Variants in FAM135B observed in about 807,000 individuals in gnomAD.
FAM135B encodes protein FAM135B.
Under a neutral mutation model 127.7 loss-of-function variants are expected in FAM135B, and 43 were observed. The observed-to-expected ratio is 0.34, with a 90% confidence interval of 0.26 to 0.43. FAM135B has a LOEUF of 0.43. FAM135B is among the 20% of genes least tolerant of loss of function. The pLI, the probability that FAM135B is intolerant of heterozygous loss-of-function variation, is 1.00. For synonymous variants in FAM135B, 670 were observed against 665.1 expected (o/e 1.01, Z -0.11); for missense variants, 1,558 against 1,725.6 (o/e 0.90, Z 1.72).
chr8:138,469,232 G>A (rs1434234026), intron 1 of FAM135B, among the ~76,000 whole-genome samples: 1 of 151,910 alleles, frequency 6.6e-6, no homozygotes, highest in Non-Finnish European at 1.5e-5. Flanking sequence ...AAGAGAGAGA[G>A]AAAGAAAGTT....
At chr8:138,220,312 A>G (rs1459738794) in intron 7 of FAM135B, among the ~76,000 whole-genome samples, 4 of 152,052 alleles carry the variant, frequency 2.6e-5, no homozygotes, top group African/African-American at 9.7e-5. Flanking sequence ...TGTAATTCAA[A>G]TGTCACTCTA....
chr8:138,168,037 G>A lies in FAM135B; in HGVS notation c.1116C>T (p.His372=), dbSNP rs2130903609. Residue 372 remains histidine (H), a synonymous_variant, in exon 12 of 20, where the codon CAC becomes CAT. Coordinates refer to ENST00000395297, the MANE Select transcript of FAM135B (RefSeq NM_015912.4). The part of the protein sequence containing the change: ...LTFQENLIQT[H]SQLSLDIRNS... ...TCCGGATATCCAGGGACAGCTGGCTGTGCGTCTGTATCCTGGGGAGCACAT... is the reference window on the plus strand; with the variant it reads ...TCCGGATATCCAGGGACAGCTGGCTATGCGTCTGTATCCTGGGGAGCACAT... 1 of 1,613,312 alleles carries A rather than the reference G, an allele frequency of 6.2e-7. No homozygotes were observed. Among genetic ancestry groups the A allele is most frequent in the South Asian group, 1.1e-5 (1 of 90,924 alleles).
chr8:138,478,817 C>T (rs1485281276), intron 1 of FAM135B, among the ~76,000 whole-genome samples: 3 of 152,202 alleles, frequency 2.0e-5, no homozygotes, highest in Non-Finnish European at 4.4e-5. Flanking sequence ...AATACACTCA[C>T]AGATAAAACA....
intron 1 of FAM135B, among the ~76,000 whole-genome samples, chr8:138,476,446 T>C (rs546421316): frequency 3.3e-5 from 5 of 151,124 alleles, no homozygotes; most frequent in Non-Finnish European, 7.4e-5. Context: ...GGGCTGTGCA[T>C]GTATGGGGAT....
rs761581094 is a variant in FAM135B, at chr8:138,453,441, AG to A, written c.-20+43229del. Among the ~76,000 whole-genome samples, 6 of 151,032 alleles carry A rather than the reference AG, an allele frequency of 4.0e-5. No individual in the cohort carries two copies. In the East Asian group the frequency reaches 9.7e-4, roughly 24 times the overall value. On this transcript the variant is annotated intron_variant, in intron 1 of 19. Coordinates refer to ENST00000395297, the MANE Select transcript of FAM135B (RefSeq NM_015912.4). The stretch of plus-strand genomic sequence containing the variant: ...TCCAAGTGACAAAAAAAAAAAAAAA[AG>A]AGGCAAAATGACTATCTTCATGACG...
intron 4 of FAM135B, among the ~76,000 whole-genome samples, chr8:138,257,557 C>T (rs1424538508): frequency 6.6e-6 from 1 of 152,118 alleles, no homozygotes; most frequent in Non-Finnish European, 1.5e-5. Context: ...GATCTCGCCA[C>T]CACCTCTACT....
chr8:138,424,902 A>C (rs1834753421), intron 1 of FAM135B, among the ~76,000 whole-genome samples: 1 of 152,180 alleles, frequency 6.6e-6, no homozygotes, highest in South Asian at 2.1e-4. Flanking sequence ...GAATTTTATG[A>C]ATATTGTTCA....
In FAM135B at chr8:138,152,169, T is replaced by C. The variant is rs1423079864; in HGVS notation, c.2306A>G (p.Lys769Arg). 1 of 1,613,874 alleles carries C rather than the reference T, an allele frequency of 6.2e-7. No homozygotes were observed. Among genetic ancestry groups the C allele is most frequent in the Non-Finnish European group, 8.5e-7 (1 of 1,180,012 alleles). The change falls in exon 13 of 20, where the codon AAG becomes AGG. Residue 769 changes from lysine (K) to arginine (R), a missense_variant. This residue lies in a region of FAM135B where 923 missense variants were observed against 865.3 expected (regional missense o/e 1.07). Coordinates refer to ENST00000395297, the MANE Select transcript of FAM135B (RefSeq NM_015912.4). Reference sequence around the variant, plus strand: ...ACTGATGTGGGGAGCAGATACAGACTTGGTTAACTTAGTGAGTGCCACCTC... The same window carrying C: ...ACTGATGTGGGGAGCAGATACAGACCTGGTTAACTTAGTGAGTGCCACCTC... ...EREVALTKLT[K>R]SVSAPHISSP... is the part of the protein sequence containing the mutation.
intron 2 of FAM135B, among the ~76,000 whole-genome samples, chr8:138,322,111 A>G (rs898664830): frequency 6.6e-6 from 1 of 152,224 alleles, no homozygotes; most frequent in Non-Finnish European, 1.5e-5. Flanking sequence ...TGTTTAAAGT[A>G]TACACTGTGA....
chr8:138,144,748 T>C (rs1052646900), intron 15 of FAM135B, among the ~76,000 whole-genome samples: 6 of 152,108 alleles, frequency 3.9e-5, no homozygotes, highest in African/African-American at 1.2e-4. Context: ...TTAAGTGAAT[T>C]GTGTAAAGGT....
chr8:138,290,310 C>T (rs1825009901), intron 3 of FAM135B, among the ~76,000 whole-genome samples: 3 of 152,156 alleles, frequency 2.0e-5, no homozygotes, highest in African/African-American at 7.2e-5. Context: ...AGCTGGATTT[C>T]AATCAGAAGA....
At chr8:138,483,129 TAAATC>T (rs997262350) in intron 1 of FAM135B, among the ~76,000 whole-genome samples, 1 of 152,224 alleles carries the variant, frequency 6.6e-6, no homozygotes, top group African/African-American at 2.4e-5. Flanking sequence ...GAGATGGACT[TAAATC>T]AATGCTTAAA....
chr8:138,256,132 G>A (rs1822072780), intron 5 of FAM135B, among the ~76,000 whole-genome samples: 1 of 152,218 alleles, frequency 6.6e-6, no homozygotes, highest in African/African-American at 2.4e-5. Context: ...TCCCAGCTTA[G>A]TTGGCCTGAC....
intron 7 of FAM135B, among the ~76,000 whole-genome samples, chr8:138,233,116 C>A (rs1276406262): frequency 6.6e-6 from 1 of 152,112 alleles, no homozygotes. Flanking sequence ...TCTCAAATAG[C>A]CAAAGCAAAC....
chr8:138,268,908 G>A (rs1250439186), intron 3 of FAM135B, among the ~76,000 whole-genome samples: 1 of 152,100 alleles, frequency 6.6e-6, no homozygotes, highest in Non-Finnish European at 1.5e-5. Context: ...GTCAGCCTTG[G>A]TACCACGCAT....
chr8:138,330,593 C>T (rs551452314), intron 2 of FAM135B, among the ~76,000 whole-genome samples: 1 of 152,248 alleles, frequency 6.6e-6, no homozygotes, highest in South Asian at 2.1e-4. Flanking sequence ...AGCAAACCCC[C>T]TAAGCATGCT....
At chr8:138,258,803 C>CCACACACACACACACACACACACACA (rs57817492) in intron 4 of FAM135B, among the ~76,000 whole-genome samples, 4 of 146,634 alleles carry the variant, frequency 2.7e-5, no homozygotes, top group African/African-American at 7.7e-5. Context: ...GACACACACA[C>CCACACACACACACACACACACACACA]CACACACACA....
At chr8:138,177,890 C>A (rs773312318) in intron 10 of FAM135B, among the ~76,000 whole-genome samples, 3 of 152,184 alleles carry the variant, frequency 2.0e-5, no homozygotes, top group Non-Finnish European at 2.9e-5. Context: ...GCATCAGCAC[C>A]TACCCATATG....
chr8:138,168,021 C>CA lies in FAM135B; in HGVS notation c.1131_1132insT (p.Asp378Ter). 1 of 1,613,632 alleles carries CA rather than the reference C, an allele frequency of 6.2e-7. No individual in the cohort carries two copies. The highest frequency in any genetic ancestry group is 8.5e-7 in the Non-Finnish European group (1 of 1,179,734). On this transcript the variant is annotated frameshift_variant, in exon 12 of 20. Coordinates refer to ENST00000395297, the MANE Select transcript of FAM135B (RefSeq NM_015912.4). LOFTEE classifies it high-confidence loss of function. ...GTGAGGTACTCCGAGTTCCGGATAT[C>CA]CAGGGACAGCTGGCTGTGCGTCTGT...
Sources: allele counts gnomAD v4.1 joint callset (sites outside exome capture counted in the v4.1 genomes callset), GRCh38; gene constraint gnomAD v4.1.1; regional missense constraint gnomAD v4.1.1; transcripts MANE v1.5; gene names NCBI Gene and HGNC (gene_info 2026-07-23, HGNC 2026-07-21).